Variants in DHRSX observed in about 807,000 individuals in gnomAD.
DHRSX encodes dehydrogenase/reductase X-linked, also known as polyprenol dehydrogenase.
A neutral mutation model predicts 34.0 loss-of-function variants in DHRSX; 31 were observed. That is an observed-to-expected ratio of 0.91 (90% CI 0.69 to 1.23). DHRSX has a LOEUF of 1.23. Among genes scored for constraint, DHRSX ranks in the 50% most tolerant of loss-of-function variants. DHRSX has a pLI of 0.00. For synonymous variants in DHRSX, 201 were observed against 183.8 expected, an observed-to-expected ratio of 1.09 and a Z score of -0.76; for missense variants, 414 against 428.1, an observed-to-expected ratio of 0.97 and a Z score of 0.29.
chrX:2,257,711 C>T (rs1212720154), intron 5 of DHRSX, among the ~76,000 whole-genome samples: 4 of 152,060 alleles, frequency 2.6e-5, no homozygotes, highest in African/African-American at 7.2e-5. Context: ...CTGCAACCTC[C>T]GCCTCCCGGG....
chrX:2,465,725 C>G (rs1330769451), intron 1 of DHRSX, among the ~76,000 whole-genome samples: 1 of 150,330 alleles, frequency 6.7e-6, no homozygotes, highest in Admixed American at 6.7e-5. Context: ...AGGAGAATTG[C>G]TTGAACCCAG....
intron 1 of DHRSX, among the ~76,000 whole-genome samples, chrX:2,481,426 G>A (rs1485455663): frequency 6.6e-6 from 1 of 152,094 alleles, no homozygotes; most frequent in Non-Finnish European, 1.5e-5. Context: ...AGCACTTTGG[G>A]AGGCTGAGGC....
intron 1 of DHRSX, among the ~76,000 whole-genome samples, chrX:2,484,669 A>T (rs2044835241): frequency 6.6e-6 from 1 of 151,838 alleles, no homozygotes; most frequent in African/African-American, 2.4e-5. Context: ...ATTTTATAAA[A>T]CTCTCAGGTG....
At chrX:2,341,045 G>A (rs1341332625) in intron 3 of DHRSX, among the ~76,000 whole-genome samples, 1 of 152,054 alleles carries the variant, frequency 6.6e-6, no homozygotes, top group Non-Finnish European at 1.5e-5. Flanking sequence ...AAGGCAGGGG[G>A]AGAAAATGGC....
At chrX:2,410,561 G>A (rs1457551859) in intron 2 of DHRSX, among the ~76,000 whole-genome samples, 2 of 152,102 alleles carry the variant, frequency 1.3e-5, no homozygotes, top group Non-Finnish European at 2.9e-5. Context: ...TCAACACGGC[G>A]TATTGAATTT....
intron 5 of DHRSX, chrX:2,261,610 A>C (rs1396337402): frequency 6.6e-6 from 1 of 152,116 alleles, no homozygotes; most frequent in Non-Finnish European, 1.5e-5. Context: ...TGTCTCTACT[A>C]AAAATACAAA....
intron 2 of DHRSX, among the ~76,000 whole-genome samples, chrX:2,418,586 G>A (rs140308056): frequency 0.013 from 1,964 of 152,230 alleles, 41 homozygotes; most frequent in African/African-American, 0.043. Flanking sequence ...CATTGCACTG[G>A]AGGAGACAAA....
chrX:2,448,467 A>G (rs6642211), intron 1 of DHRSX, among the ~76,000 whole-genome samples: 93,059 of 148,910 alleles, frequency 0.62, 30,727 homozygotes, highest in African/African-American at 0.85. Context: ...GATTTTACAT[A>G]TTCTGACCAC....
intron 3 of DHRSX, among the ~76,000 whole-genome samples, chrX:2,343,796 G>A (rs753953788): frequency 2.0e-5 from 3 of 152,188 alleles, no homozygotes; most frequent in Admixed American, 6.5e-5. Context: ...TAAATGTTAC[G>A]TTGTTTGATG....
At chrX:2,378,736 T>C (rs1420086174) in intron 3 of DHRSX, among the ~76,000 whole-genome samples, 3 of 152,022 alleles carry the variant, frequency 2.0e-5, no homozygotes, top group Admixed American at 1.3e-4. Context: ...AGTGGTGCGA[T>C]CTCGGCTCAC....
At chrX:2,408,366 G>A (rs2043585165) in intron 3 of DHRSX, among the ~76,000 whole-genome samples, 1 of 152,024 alleles carries the variant, frequency 6.6e-6, no homozygotes, top group African/African-American at 2.4e-5. Context: ...GAGCCACTGC[G>A]CCCGGCCTGA....
intron 3 of DHRSX, among the ~76,000 whole-genome samples, chrX:2,379,850 T>G (rs2043184071): frequency 6.6e-6 from 1 of 151,994 alleles, no homozygotes; most frequent in Admixed American, 6.6e-5. Flanking sequence ...GAGGGATATT[T>G]GCAGGATAAA....
rs1556457242 is a variant in DHRSX at position 2,298,614 on chromosome X, A to ACACACACACACACACACACG, written c.287-7012_287-7011insCGTGTGTGTGTGTGTGTGTG. Among the ~76,000 whole-genome samples, 469 of 83,004 alleles carry ACACACACACACACACACACG rather than the reference A, an allele frequency of 5.7e-3. 38 individuals carry two copies. The highest frequency in any genetic ancestry group is 0.017 in the African/African-American group (424 of 24,466). The allele number at this position is 83,004 out of a possible 152,430, so 54.5% of individuals were successfully genotyped here. A position where few individuals can be genotyped will look rare whatever the true frequency, so the allele number is the denominator to read the frequency against. On this transcript the variant is annotated intron_variant, in intron 3 of 6. Coordinates refer to ENST00000334651, the MANE Select transcript of DHRSX (RefSeq NM_145177.3). Reference sequence around the variant, plus strand: ...CAGGCGCGTGTGTACACACACACACACACACACACACACACACACACACGA... The same window carrying ACACACACACACACACACACG: ...CAGGCGCGTGTGTACACACACACACACACACACACACACACACACGCACACACACACACACACACACACGA...
At chrX:2,314,244 A>AGGGAGGC (rs1442130185) in intron 3 of DHRSX, among the ~76,000 whole-genome samples, 3 of 9,374 alleles carry the variant, frequency 3.2e-4, no homozygotes, top group African/African-American at 4.2e-4. Context: ...GGAGGGAAGG[A>AGGGAGGC]AGGGAGGGAA....
chrX:2,402,826 C>T (rs1255523650), intron 3 of DHRSX, among the ~76,000 whole-genome samples: 4 of 151,542 alleles, frequency 2.6e-5, no homozygotes, highest in South Asian at 2.1e-4. Context: ...TCCATCCCCT[C>T]GAGCATTCAT....
intron 5 of DHRSX, among the ~76,000 whole-genome samples, chrX:2,252,099 G>A (rs1169197010): frequency 1.1e-4 from 17 of 152,034 alleles, no homozygotes; most frequent in African/African-American, 3.1e-4. Context: ...TTAGCAGGGC[G>A]TGGTGGCAGG....
chrX:2,376,533 T>C (rs2043142249), intron 3 of DHRSX, among the ~76,000 whole-genome samples: 1 of 137,470 alleles, frequency 7.3e-6, no homozygotes, highest in Admixed American at 7.3e-5. Context: ...CCAAGATGTG[T>C]CCACCCAGAA....
intron 2 of DHRSX, among the ~76,000 whole-genome samples, chrX:2,412,650 A>G (rs906401259): frequency 2.6e-5 from 4 of 152,126 alleles, no homozygotes; most frequent in African/African-American, 9.7e-5. Flanking sequence ...TCGTTGCAGC[A>G]TGATTCACAA....
At chrX:2,490,218 T>C (rs777355574) in intron 1 of DHRSX, 3 of 1,613,830 alleles carry the variant, frequency 1.9e-6, no homozygotes, top group African/African-American at 1.3e-5. Context: ...TTGGTAGAGA[T>C]GTACTTCCGG....
Sources: allele counts gnomAD v4.1 joint callset (sites outside exome capture counted in the v4.1 genomes callset), GRCh38; gene constraint gnomAD v4.1.1; transcripts MANE v1.5; gene names NCBI Gene and HGNC (gene_info 2026-07-23, HGNC 2026-07-21).